PFKM: variants seen among roughly 807,000 people sequenced by gnomAD.
PFKM encodes the protein phosphofructokinase, muscle.
Under a neutral mutation model 95.5 loss-of-function variants are expected in PFKM, and 58 were observed. The ratio of observed to expected loss-of-function variants is 0.61; its 90% confidence interval spans 0.49 to 0.76. The LOEUF (loss-of-function observed/expected upper bound fraction) is 0.76. Among genes scored for constraint, PFKM ranks in the 30% least tolerant of loss-of-function variants. The probability of loss-of-function intolerance (pLI) is 0.00; values close to 1 mark genes in which losing one functional copy is unlikely to be tolerated. For synonymous variants in PFKM, 336 were observed against 357.2 expected, an observed-to-expected ratio of 0.94 and a Z score of 0.67; for missense variants, 678 against 1,005.4, an observed-to-expected ratio of 0.67 and a Z score of 4.40.
Position 48,134,845 on chromosome 12 carries a change from T to C in PFKM, c.747+16T>C. ...ACTCAGCGAGGTACTTGCACTTTATTTTGCCCTTAAGAAATCCCTCACCCT... is the reference window on the plus strand; with the variant it reads ...ACTCAGCGAGGTACTTGCACTTTATCTTGCCCTTAAGAAATCCCTCACCCT... On this transcript the variant is annotated intron_variant, in intron 8 of 22. Transcript: ENST00000359794. 6.2e-7 allele frequency: 1 copy of C among 1,608,020 alleles called. No homozygotes were observed. Among genetic ancestry groups the C allele is most frequent in the South Asian group, 1.1e-5 (1 of 90,928 alleles).
intron 14 of PFKM, 63 bp downstream of exon 14, chr12:48,140,934 C>A: frequency 1.9e-6 from 3 of 1,559,104 alleles, no homozygotes; most frequent in Non-Finnish European, 2.6e-6. Context: ...CAAGAATGAC[C>A]TGTCCATTCT....
rs776376691 is a variant in PFKM at position 48,145,124 on chromosome 12, C to G, written c.2086C>G (p.Arg696Gly). 6.2e-7 allele frequency: 1 copy of G among 1,613,666 alleles called. No individual in the cohort carries two copies. The highest frequency in any genetic ancestry group is 1.7e-5 in the Admixed American group (1 of 60,012). ...WMSGKIKESYRNGRIFANTPD... is the reference protein window; with the variant it reads ...WMSGKIKESYGNGRIFANTPD... ...GTCTGGGAAAATCAAAGAGAGTTAC[C>G]GTAATGGTAGGTGGGGTGAGAGCGA... Residue 696 changes from arginine to glycine, a missense_variant, in exon 21 of 23, where the codon CGT becomes GGT. Coordinates refer to ENST00000359794, the MANE Select transcript of PFKM (RefSeq NM_000289.6). The surrounding 1 kb of genome is among the most constrained non-coding windows in gnomAD (Gnocchi z 4.3).
At chr12:48,134,571 G>C in intron 7 of PFKM, 150 bp from the exon 8 acceptor site, 1 of 732,944 alleles carries the variant, frequency 1.4e-6, no homozygotes. Flanking sequence ...CTCATTGAGG[G>C]GCCCCGGTGC....
At chr12:48,137,928 G>C in intron 11 of PFKM, 82 bp downstream of exon 11, 2 of 1,486,830 alleles carry the variant, frequency 1.3e-6, no homozygotes, top group Middle Eastern at 3.4e-4. Context: ...TATGTCTAAG[G>C]CCACTGGTAT....
Position 48,141,564 on chromosome 12 carries a change from T to C in PFKM, c.1413-176T>C. On this transcript the variant is annotated intron_variant, in intron 15 of 22. Coordinates refer to ENST00000359794, the MANE Select transcript of PFKM (RefSeq NM_000289.6). Reference sequence around the variant, plus strand: ...AACATCTTTAGCAGCTCTGGCAACTTAGAGCTCCAGTATGTATCCTTGGAT... The same window carrying C: ...AACATCTTTAGCAGCTCTGGCAACTCAGAGCTCCAGTATGTATCCTTGGAT... 3 of 760,398 alleles carry C rather than the reference T, an allele frequency of 3.9e-6. No individual in the cohort carries two copies. In the South Asian group the frequency reaches 4.6e-5, roughly 12 times the overall value. 47.1% of individuals were successfully genotyped at this position (760,398 alleles called of 1,614,324 possible).
At chr12:48,128,912 A>G (rs1326351177) in intron 2 of PFKM, among the ~76,000 whole-genome samples, 1 of 152,212 alleles carries the variant, frequency 6.6e-6, no homozygotes, top group Non-Finnish European at 1.5e-5. Flanking sequence ...TTCCCTGTGC[A>G]TCACCATGTG....
At position 48,133,435 on chromosome 12, in the gene PFKM, A is replaced by G. The variant is rs1459552039; in HGVS notation, c.548A>G (p.His183Arg). ...ACCATTGGCACTGACTCTGCCCTGC[A>G]TCGGATCATGGAAATTGTAGATGCC... ...DMTIGTDSALHRIMEIVDAIT... is the reference protein window; with the variant it reads ...DMTIGTDSALRRIMEIVDAIT... The change falls in exon 6 of 23, where the codon CAT becomes CGT. Residue 183 changes from histidine (H) to arginine (R), a missense_variant. Coordinates refer to ENST00000359794, the MANE Select transcript of PFKM (RefSeq NM_000289.6). The G allele has an allele frequency of 1.9e-6, 3 of 1,614,146 alleles. No individual in the cohort carries two copies. The highest frequency in any genetic ancestry group is 2.5e-6 in the Non-Finnish European group (3 of 1,180,002).
chr12:48,143,953 G>T, intron 19 of PFKM, 93 bp from the exon 20 acceptor site: 1 of 1,126,790 alleles, frequency 8.9e-7, no homozygotes. Flanking sequence ...TGAATCCTTG[G>T]AGGAGATAAA....
rs74089117 is a variant in PFKM, at chr12:48,139,439, G to A, written c.1127+90G>A. On this transcript the variant is annotated intron_variant, in intron 12 of 22. Coordinates refer to ENST00000359794, the MANE Select transcript of PFKM (RefSeq NM_000289.6). ...CCATGGCTCCAGGCCCAAAACATGAGCTTCTGCTGCTTCCTTTTCTGATTC... is the reference window on the plus strand; with the variant it reads ...CCATGGCTCCAGGCCCAAAACATGAACTTCTGCTGCTTCCTTTTCTGATTC... The A allele has an allele frequency of 4.5e-4, 419 of 932,662 alleles. 2 individuals are homozygous for A. The African/African-American group carries it at 6.0e-3, about 13-fold the overall frequency. 57.8% of individuals were successfully genotyped at this position (932,662 alleles called of 1,614,324 possible). A position where few individuals can be genotyped will look rare whatever the true frequency, so the allele number is the denominator to read the frequency against.
chr12:48,107,793 A>G (rs1208995766), intron 2 of PFKM, among the ~76,000 whole-genome samples: 4 of 152,186 alleles, frequency 2.6e-5, no homozygotes, highest in South Asian at 2.1e-4. Flanking sequence ...TATTGTCATT[A>G]TAACTGACAC....
At chr12:48,131,648 G>A in intron 4 of PFKM, 1 of 520,276 alleles carries the variant, frequency 1.9e-6, no homozygotes, top group Non-Finnish European at 3.5e-6. Context: ...CAAGACTATG[G>A]GGACTGACAC....
At chr12:48,132,046 A>G in intron 4 of PFKM, 1 of 456,022 alleles carries the variant, frequency 2.2e-6, no homozygotes, top group South Asian at 1.5e-5. Flanking sequence ...CCATGGGCAA[A>G]AATTTAATAT....
chr12:48,120,759 A>C (rs1212541373), intron 1 of PFKM, among the ~76,000 whole-genome samples: 1 of 152,244 alleles, frequency 6.6e-6, no homozygotes, highest in African/African-American at 2.4e-5. Context: ...ACTGCCATAC[A>C]AAAATGTGAG....
rs1329700524 is a variant in PFKM at position 48,133,291 on chromosome 12, T to C, written c.428-24T>C. The C allele has an allele frequency of 2.5e-6, 4 of 1,608,296 alleles. No homozygotes were observed. In the Admixed American group the frequency reaches 6.7e-5, roughly 27 times the overall value. On this transcript the variant is annotated intron_variant, in intron 5 of 22. Coordinates refer to ENST00000359794, the MANE Select transcript of PFKM (RefSeq NM_000289.6). Reference sequence around the variant, plus strand: ...CATGCCAGGTGCCTCACCCAGTGGCTCCTGGTTTGCTTCTCATTGTCAGGT... The same window carrying C: ...CATGCCAGGTGCCTCACCCAGTGGCCCCTGGTTTGCTTCTCATTGTCAGGT...
chr12:48,137,966 T>A, intron 11 of PFKM, 120 bp downstream of exon 11: 1 of 1,069,772 alleles, frequency 9.3e-7, no homozygotes, highest in Non-Finnish European at 1.4e-6. Flanking sequence ...CAAGATGGTA[T>A]AGTAAGAGAC....
chr12:48,130,463 A>G (rs1340976261), intron 3 of PFKM, 27 bp downstream of exon 3: 3 of 1,535,112 alleles, frequency 2.0e-6, no homozygotes, highest in Non-Finnish European at 2.7e-6. Context: ...GTTCTTCATC[A>G]TTCTTTCTCT....
At chr12:48,116,924 A>G (rs1390201570), upstream of PFKM, among the ~76,000 whole-genome samples, 1 of 152,252 alleles carries the variant, frequency 6.6e-6, no homozygotes, top group African/African-American at 2.4e-5. Flanking sequence ...GAATTTGACA[A>G]ATGCATAATG....
intron 3 of PFKM, among the ~76,000 whole-genome samples, chr12:48,114,129 G>A (rs1389975666): frequency 6.6e-6 from 1 of 152,190 alleles, no homozygotes; most frequent in Non-Finnish European, 1.5e-5. Context: ...TCCTGGAGGT[G>A]TGGTTCATGA....
intron 12 of PFKM, 31 bp downstream of exon 12, chr12:48,139,380 C>T (rs751381685): frequency 6.4e-7 from 1 of 1,573,658 alleles, no homozygotes; most frequent in Non-Finnish European, 8.7e-7. Context: ...TCACTAGCTA[C>T]AGAAATCAGA....
Sources: gnomAD v4.1 joint callset for allele counts (sites outside exome capture counted in the v4.1 genomes callset) on GRCh38, gnomAD v4.1.1 for gene constraint, Gnocchi (gnomAD v3.1) non-coding constraint, MANE v1.5 for transcripts, NCBI Gene and HGNC (gene_info 2026-07-23, HGNC 2026-07-21) for gene names.